Variants in SRGAP3 observed in about 807,000 individuals in gnomAD.
The protein encoded by SRGAP3 is SLIT-ROBO Rho GTPase-activating protein 3.
In SRGAP3, 39 loss-of-function variants were observed where a neutral mutation model predicts 121.1. The observed-to-expected ratio is 0.32, with a 90% CI of 0.25 to 0.42. The LOEUF (loss-of-function observed/expected upper bound fraction) is 0.42. Ranked by LOEUF, SRGAP3 falls within the 10% of genes least tolerant of loss-of-function variation. The probability of loss-of-function intolerance (pLI) is 1.00; values close to 1 mark genes in which losing one functional copy is unlikely to be tolerated. For missense variants in SRGAP3, 1,213 were observed against 1,470.6 expected (o/e 0.82, Z 2.86); for synonymous variants, 601 against 570.0 (o/e 1.05, Z -0.77).
At chr3:9,230,932 T>C (rs1953188126) in intron 1 of SRGAP3, among the ~76,000 whole-genome samples, 1 of 151,652 alleles carries the variant, frequency 6.6e-6, no homozygotes, top group Admixed American at 6.6e-5. Flanking sequence ...GGGCCAAAGC[T>C]GAGATCGGTC....
intron 21 of SRGAP3, 65 bp downstream of exon 21, chr3:8,990,447 C>T (rs535884476): frequency 3.0e-5 from 47 of 1,542,586 alleles, no homozygotes; most frequent in African/African-American, 2.9e-4. Flanking sequence ...CCCCGCTCCA[C>T]GGATTCCCAC....
intron 3 of SRGAP3, among the ~76,000 whole-genome samples, chr3:9,316,685 CAT>C (rs1955352504): frequency 1.3e-5 from 2 of 152,086 alleles, no homozygotes; most frequent in Non-Finnish European, 2.9e-5. Flanking sequence ...ATAGCAATCT[CAT>C]ATAATTTTTT....
At chr3:9,048,716 C>G (rs1470012201) in intron 9 of SRGAP3, among the ~76,000 whole-genome samples, 1 of 152,108 alleles carries the variant, frequency 6.6e-6, no homozygotes, top group Non-Finnish European at 1.5e-5. Context: ...GCCAGCTACT[C>G]AGGAGGCCAA....
intron 18 of SRGAP3, among the ~76,000 whole-genome samples, chr3:8,995,693 G>A (rs576762648): frequency 7.9e-5 from 12 of 152,292 alleles, no homozygotes; most frequent in African/African-American, 2.9e-4. Context: ...TTGGGGAAGA[G>A]ACGTTTTGGG....
intron 1 of SRGAP3, among the ~76,000 whole-genome samples, chr3:9,341,923 C>CTAA (rs1046810841): frequency 6.6e-6 from 1 of 152,182 alleles, no homozygotes; most frequent in Admixed American, 6.5e-5. Context: ...CGGCGTTCTC[C>CTAA]TAACACCCTA....
chr3:9,104,562 G>A, intron 3 of SRGAP3, 118 bp downstream of exon 3: 1 of 1,366,240 alleles, frequency 7.3e-7, no homozygotes, highest in Non-Finnish European at 1.0e-6. Context: ...ATCCTTCAAT[G>A]CACCTGCCCC....
chr3:9,102,062 G>A (rs1297711677), intron 3 of SRGAP3, among the ~76,000 whole-genome samples: 1 of 152,232 alleles, frequency 6.6e-6, no homozygotes, highest in African/African-American at 2.4e-5. Context: ...ACAGACACCT[G>A]GCCTAGAAGC....
At chr3:9,117,844 G>C (rs904877397) in intron 2 of SRGAP3, among the ~76,000 whole-genome samples, 1 of 152,214 alleles carries the variant, frequency 6.6e-6, no homozygotes, top group Non-Finnish European at 1.5e-5. Context: ...GGAGAGCCAG[G>C]TGCGGTGGTT....
intron 1 of SRGAP3, among the ~76,000 whole-genome samples, chr3:9,232,415 C>T (rs1953246553): frequency 6.6e-6 from 1 of 152,248 alleles, no homozygotes; most frequent in Middle Eastern, 3.4e-3. Context: ...CTATTCCACC[C>T]CTCGTCCCCA....
At chr3:9,098,228 G>C (rs1053837819) in intron 3 of SRGAP3, among the ~76,000 whole-genome samples, 4 of 152,296 alleles carry the variant, frequency 2.6e-5, no homozygotes, top group African/African-American at 7.2e-5. Flanking sequence ...GAAGCTCCTT[G>C]AGGGAGAGGA....
intron 1 of SRGAP3, among the ~76,000 whole-genome samples, chr3:9,182,510 T>C (rs373860464): frequency 1.6e-4 from 24 of 152,270 alleles, no homozygotes; most frequent in Admixed American, 1.0e-3. Flanking sequence ...GCCTTCCTGA[T>C]AGAGTGATTT....
At chr3:9,011,523 A>G (rs1163959254) in intron 17 of SRGAP3, among the ~76,000 whole-genome samples, 2 of 152,148 alleles carry the variant, frequency 1.3e-5, no homozygotes, top group Non-Finnish European at 2.9e-5. Context: ...TGAATGCTCC[A>G]GGTCTTCCCA....
intron 3 of SRGAP3, among the ~76,000 whole-genome samples, chr3:9,285,448 A>T (rs1448187824): frequency 6.6e-6 from 1 of 151,950 alleles, no homozygotes; most frequent in African/African-American, 2.4e-5. Context: ...CTGTGAGGAG[A>T]CTCATATTTG....
chr3:8,993,728 C>T (rs983207275), intron 19 of SRGAP3, among the ~76,000 whole-genome samples: 1 of 152,164 alleles, frequency 6.6e-6, no homozygotes, highest in Non-Finnish European at 1.5e-5. Flanking sequence ...GATCCCCTTC[C>T]CTTGAGGCTC....
At chr3:9,353,271 C>T (rs1464876614) in intron 1 of SRGAP3, among the ~76,000 whole-genome samples, 1 of 152,220 alleles carries the variant, frequency 6.6e-6, no homozygotes, top group Admixed American at 6.5e-5. Flanking sequence ...AGATTCAGGA[C>T]ATTCGCTGTA....
intron 1 of SRGAP3, among the ~76,000 whole-genome samples, chr3:9,126,838 T>C (rs1027865868): frequency 1.3e-5 from 2 of 152,172 alleles, no homozygotes; most frequent in African/African-American, 4.8e-5. Context: ...ACATTATTTG[T>C]GTCATGGGTA....
At chr3:9,106,709 C>G (rs894763703) in intron 2 of SRGAP3, among the ~76,000 whole-genome samples, 9 of 152,106 alleles carry the variant, frequency 5.9e-5, no homozygotes, top group Non-Finnish European at 1.2e-4. Context: ...ATAAGAAGTG[C>G]CTTTCACCTC....
intron 12 of SRGAP3, chr3:9,027,952 G>A: frequency 1.1e-6 from 1 of 929,244 alleles, no homozygotes; most frequent in East Asian, 2.5e-5. Flanking sequence ...CCCCACCTGT[G>A]AATTCTTTCC....
intron 1 of SRGAP3, among the ~76,000 whole-genome samples, chr3:9,220,145 C>T (rs1222740435): frequency 6.6e-6 from 1 of 152,022 alleles, no homozygotes; most frequent in East Asian, 1.9e-4. Context: ...TGGTTCAAAA[C>T]AAGATATTGG....
Sources: allele counts gnomAD v4.1 joint callset (sites outside exome capture counted in the v4.1 genomes callset), GRCh38; gene constraint gnomAD v4.1.1; transcripts MANE v1.5; gene names NCBI Gene and HGNC (gene_info 2026-07-23, HGNC 2026-07-21).